Variants in SGCZ observed in about 807,000 individuals in gnomAD.
SGCZ encodes zeta-sarcoglycan.
SGCZ carries 40 observed loss-of-function variants against 41.3 expected under a neutral mutation model. The ratio of observed to expected loss-of-function variants is 0.97; its 90% CI spans 0.75 to 1.26. The LOEUF is 1.26. Ranked by LOEUF, SGCZ falls within the 50% of genes most tolerant of loss-of-function variation. The pLI is 0.00. For missense variants in SGCZ, 552 were observed against 369.8 expected (o/e 1.49, Z -4.04); for synonymous variants, 206 against 137.5 (o/e 1.50, Z -3.49).
rs530106856 is a variant in SGCZ, at chr8:15,238,076, G to C, written c.-453C>G. On this transcript the variant is annotated 5_prime_UTR_variant, in exon 1 of 8. Transcript: ENST00000382080. ...CTGAAGAGAAGAGTGTATGATAAAA[G>C]GCTTCCTCCGTCAGGCTTACTCTGG... The C allele has an allele frequency of 1.3e-5, 2 of 155,220 alleles. No homozygotes were observed. Among genetic ancestry groups the C allele is most frequent in the African/African-American group, 4.8e-5 (2 of 41,454 alleles). The allele number at this position is 155,220 out of a possible 1,614,324, so 9.6% of individuals were successfully genotyped here. A position where few individuals can be genotyped will look rare whatever the true frequency, so the allele number is the denominator to read the frequency against.
chr8:14,718,763 GAAGA>G (rs1440818121), intron 1 of SGCZ, among the ~76,000 whole-genome samples: 3 of 151,454 alleles, frequency 2.0e-5, no homozygotes, highest in Non-Finnish European at 4.4e-5. Context: ...AAGCAATGGA[GAAGA>G]AAGAAATGAA....
chr8:14,906,269 C>A (rs1318436553), intron 1 of SGCZ, among the ~76,000 whole-genome samples: 4 of 152,182 alleles, frequency 2.6e-5, no homozygotes, highest in Admixed American at 1.3e-4. Flanking sequence ...ATCATAATAG[C>A]TTTGTAGTCC....
At chr8:14,861,323 T>C (rs1803739599) in intron 1 of SGCZ, among the ~76,000 whole-genome samples, 1 of 151,870 alleles carries the variant, frequency 6.6e-6, no homozygotes, top group Non-Finnish European at 1.5e-5. Flanking sequence ...CTTCCTGAAA[T>C]TGAAGGTAGC....
chr8:14,191,774 TC>T (rs950537662), intron 4 of SGCZ, among the ~76,000 whole-genome samples: 4 of 152,188 alleles, frequency 2.6e-5, no homozygotes, highest in African/African-American at 9.6e-5. Flanking sequence ...TGGAAATTAA[TC>T]TTGATTATAT....
At chr8:14,774,862 C>T (rs2256538) in intron 1 of SGCZ, among the ~76,000 whole-genome samples, 119,225 of 152,074 alleles carry the variant, frequency 0.78, 47,334 homozygotes, top group African/African-American at 0.91. Context: ...AACTAATTTA[C>T]TACCTATTAA....
At chr8:14,278,016 G>A (rs1473418763) in intron 3 of SGCZ, among the ~76,000 whole-genome samples, 4 of 152,074 alleles carry the variant, frequency 2.6e-5, no homozygotes, top group South Asian at 2.1e-4. Context: ...TTACCTATGG[G>A]AATTCATCTG....
In SGCZ at chr8:14,102,616, A is replaced by G. The variant is rs946412877; in HGVS notation, c.621-117T>C. 19 of 967,430 alleles carry G rather than the reference A, an allele frequency of 2.0e-5. No individual in the cohort carries two copies. In the African/African-American group the frequency reaches 3.2e-4, roughly 16 times the overall value. 59.9% of individuals were successfully genotyped at this position (967,430 alleles called of 1,614,324 possible). ...ACATTGGTCAAAACAACAACCAGAC[A>G]GACAGGCATAAAGGAAAAGTCCTAC... On this transcript the variant is annotated intron_variant, in intron 6 of 7. Coordinates refer to ENST00000382080, the MANE Select transcript of SGCZ (RefSeq NM_139167.4).
At chr8:14,667,167 G>A (rs975078067) in intron 1 of SGCZ, among the ~76,000 whole-genome samples, 2 of 152,052 alleles carry the variant, frequency 1.3e-5, no homozygotes, top group African/African-American at 4.8e-5. Flanking sequence ...ACCATTCTTT[G>A]GAAAGGAGGA....
At chr8:14,438,051 C>A (rs574853494) in intron 2 of SGCZ, among the ~76,000 whole-genome samples, 9 of 151,710 alleles carry the variant, frequency 5.9e-5, no homozygotes, top group Non-Finnish European at 7.4e-5. Context: ...CAAATGGTTA[C>A]GCATGGTAAA....
chr8:14,154,230 C>T (rs1023177998), intron 5 of SGCZ, among the ~76,000 whole-genome samples: 2 of 143,642 alleles, frequency 1.4e-5, no homozygotes, highest in African/African-American at 2.5e-5. Context: ...ATTAGCCAGG[C>T]GTGGTGGTGG....
chr8:14,557,258 CTTACCCACT>C (rs890575751), intron 1 of SGCZ, among the ~76,000 whole-genome samples: 6 of 146,542 alleles, frequency 4.1e-5, no homozygotes, highest in Admixed American at 2.1e-4. Context: ...TATTTATGTC[CTTACCCACT>C]TTTTGATGGG....
chr8:14,422,325 A>G (rs948558013), intron 2 of SGCZ, among the ~76,000 whole-genome samples: 1 of 152,228 alleles, frequency 6.6e-6, no homozygotes, highest in South Asian at 2.1e-4. Context: ...GGATATTTTA[A>G]GTTGACTATA....
intron 2 of SGCZ, among the ~76,000 whole-genome samples, chr8:14,547,024 G>A (rs889237429): frequency 6.6e-6 from 1 of 151,132 alleles, no homozygotes; most frequent in Admixed American, 6.6e-5. Context: ...TAATCTTGCT[G>A]GAAAAAAAAA....
chr8:15,111,498 T>G (rs1353061000), intron 1 of SGCZ, among the ~76,000 whole-genome samples: 1 of 152,076 alleles, frequency 6.6e-6, no homozygotes, highest in East Asian at 1.9e-4. Flanking sequence ...GGGTAGCCAA[T>G]AGGAATCTCA....
intron 3 of SGCZ, among the ~76,000 whole-genome samples, chr8:14,265,706 T>G (rs1016435286): frequency 6.6e-6 from 1 of 150,844 alleles, no homozygotes; most frequent in African/African-American, 2.4e-5. Context: ...AAACTCAACA[T>G]GGTCCAAGAA....
At chr8:14,465,519 T>C (rs968164143) in intron 2 of SGCZ, among the ~76,000 whole-genome samples, 1 of 151,820 alleles carries the variant, frequency 6.6e-6, no homozygotes, top group Non-Finnish European at 1.5e-5. Context: ...AAGAAAGGAT[T>C]AATTTCTAAC....
chr8:15,014,547 A>G (rs1318257665), intron 1 of SGCZ, among the ~76,000 whole-genome samples: 5 of 152,270 alleles, frequency 3.3e-5, no homozygotes, highest in East Asian at 1.9e-4. Context: ...TTAAGCACCA[A>G]CATGTTTCTA....
At chr8:14,111,547 C>T (rs1417108808) in intron 5 of SGCZ, among the ~76,000 whole-genome samples, 1 of 152,112 alleles carries the variant, frequency 6.6e-6, no homozygotes, top group Non-Finnish European at 1.5e-5. Flanking sequence ...TTTTTCATTG[C>T]TATTTTAAGG....
chr8:14,587,099 T>C (rs925545001), intron 1 of SGCZ, among the ~76,000 whole-genome samples: 1 of 151,984 alleles, frequency 6.6e-6, no homozygotes, highest in Admixed American at 6.6e-5. Context: ...TTTCTAAAGT[T>C]AGGCATAAGC....
Sources: gnomAD v4.1 joint callset for allele counts (sites outside exome capture counted in the v4.1 genomes callset) on GRCh38, gnomAD v4.1.1 for gene constraint, MANE v1.5 for transcripts, NCBI Gene and HGNC (gene_info 2026-07-23, HGNC 2026-07-21) for gene names.